Variants in ABCA13 observed in about 807,000 individuals in gnomAD.
The protein encoded by ABCA13 is ATP binding cassette subfamily A member 13.
Under a neutral mutation model 478.7 loss-of-function variants are expected in ABCA13, and 476 were observed. The observed-to-expected ratio is 0.99, with a 90% CI of 0.92 to 1.07. ABCA13 has a LOEUF of 1.07. ABCA13 is among the 50% of genes least tolerant of loss of function. The pLI, the probability that ABCA13 is intolerant of heterozygous loss-of-function variation, is 0.00. For synonymous variants in ABCA13, 2,252 were observed against 2,158.9 expected, an observed-to-expected ratio of 1.04 and a Z score of -1.20; for missense variants, 6,060 against 5,910.6, an observed-to-expected ratio of 1.03 and a Z score of -0.83.
At chr7:48,172,863 GAC>G (rs1228567759) in intron 1 of ABCA13, among the ~76,000 whole-genome samples, 1 of 142,846 alleles carries the variant, frequency 7.0e-6, no homozygotes, top group East Asian at 2.1e-4. Flanking sequence ...AAAGGAGTGA[GAC>G]AGTCTTCATT....
chr7:48,403,599 T>G, intron 38 of ABCA13, 84 bp from the exon 39 acceptor site: 1 of 1,366,296 alleles, frequency 7.3e-7, no homozygotes, highest in Non-Finnish European at 1.0e-6. Flanking sequence ...TTTCAGCCAC[T>G]GTTAGTCATT....
At chr7:48,224,945 C>A (rs965552487) in intron 5 of ABCA13, among the ~76,000 whole-genome samples, 1 of 152,094 alleles carries the variant, frequency 6.6e-6, no homozygotes, top group Non-Finnish European at 1.5e-5. Flanking sequence ...GGAACCTAAA[C>A]GGAGACAGGA....
rs768908802 is a variant in ABCA13, at chr7:48,272,306, T to C, written c.2640T>C (p.Asp880=). 9.9e-6 allele frequency: 16 copies of C among 1,613,646 alleles called. No individual in the cohort carries two copies. Among genetic ancestry groups the C allele is most frequent in the Middle Eastern group, 1.6e-4 (1 of 6,084 alleles). Residue 880 remains aspartate, a synonymous_variant, in exon 17 of 62, where the codon GAT becomes GAC. Transcript: ENST00000435803. The part of the protein sequence containing the change: ...SFNFSQLFHS[D]WPKSPAMNID... ...ACTTTTCCCAGTTGTTCCATTCAGA[T>C]TGGCCTAAATCACCAGCTATGAACA...
At chr7:48,358,852 T>C (rs1302067564) in intron 31 of ABCA13, among the ~76,000 whole-genome samples, 6 of 151,812 alleles carry the variant, frequency 4.0e-5, no homozygotes, top group Non-Finnish European at 7.4e-5. Context: ...GACCTGAGAG[T>C]CTGAATTAAG....
intron 1 of ABCA13, among the ~76,000 whole-genome samples, chr7:48,175,560 A>G (rs1217132410): frequency 2.6e-5 from 4 of 152,118 alleles, no homozygotes; most frequent in Non-Finnish European, 5.9e-5. Context: ...AGCTGGGATT[A>G]CAGGCGAGTG....
rs908870761 is a variant in ABCA13, at chr7:48,541,686, A to G, written c.14354+13341A>G. Among the ~76,000 whole-genome samples the G allele has an allele frequency of 3.4e-5, 5 of 148,490 alleles. No individual in the cohort carries two copies. The Admixed American group carries it at 3.4e-4, about 10-fold the overall frequency. The stretch of plus-strand genomic sequence containing the variant: ...GTAGTCACAATCAATGAGACAGAAC[A>G]TAAAATATTTTAAAAGGGAGAAGAA... On this transcript the variant is annotated intron_variant, in intron 55 of 61. Transcript: ENST00000435803.
intron 3 of ABCA13, among the ~76,000 whole-genome samples, chr7:48,211,910 T>G (rs1309061868): frequency 6.6e-6 from 1 of 151,960 alleles, no homozygotes; most frequent in Non-Finnish European, 1.5e-5. Flanking sequence ...GCTCACTGCC[T>G]GGAGTTGGTG....
chr7:48,374,215 C>A, intron 33 of ABCA13, 132 bp from the exon 34 acceptor site: 1 of 732,388 alleles, frequency 1.4e-6, no homozygotes, highest in Non-Finnish European at 2.2e-6. Flanking sequence ...AAATGACTGC[C>A]TGAAGCGATG....
rs550999069 is a variant in ABCA13, at chr7:48,255,039, A to T, written c.2005+5688A>T. Among the ~76,000 whole-genome samples, 13 of 152,276 alleles carry T rather than the reference A, an allele frequency of 8.5e-5. No individual in the cohort carries two copies. In the East Asian group the frequency reaches 2.5e-3, roughly 29 times the overall value. ...TCAGTAGCTCTCTGATGCCTTAAAA[A>T]TCATTAAAAATATTGTTCTCACTTT... On this transcript the variant is annotated intron_variant, in intron 15 of 61. Coordinates refer to ENST00000435803, the MANE Select transcript of ABCA13 (RefSeq NM_152701.5).
At chr7:48,414,293 G>GC (rs1819661771) in intron 41 of ABCA13, among the ~76,000 whole-genome samples, 1 of 152,048 alleles carries the variant, frequency 6.6e-6, no homozygotes, top group South Asian at 2.1e-4. Flanking sequence ...GCACTCTGAA[G>GC]CTTTTCTTCG....
Position 48,412,368 on chromosome 7 carries a change from G to A in ABCA13, c.12244G>A (p.Ala4082Thr), listed in dbSNP as rs373692862. 73 of 1,612,144 alleles carry A rather than the reference G, an allele frequency of 4.5e-5. No homozygotes were observed. In the African/African-American group the frequency reaches 9.0e-4, roughly 20 times the overall value. ...TLTRQPSVLE[A>T]HDLKDMACVT... ...TTATGGATAGCCTTCTGTTCTGGAG[G>A]CCCATGATCTGAAAGACATGGCTTG... Residue 4082 changes from alanine to threonine, a missense_variant, in exon 41 of 62, where the codon GCC (alanine) becomes ACC (threonine). By Grantham distance (58) the Ala-to-Thr change is moderately conservative. Transcript: ENST00000435803.
chr7:48,502,548 G>A (rs1830849871), intron 48 of ABCA13, among the ~76,000 whole-genome samples: 1 of 152,174 alleles, frequency 6.6e-6, no homozygotes, highest in Non-Finnish European at 1.5e-5. Flanking sequence ...TCAACTTCCA[G>A]CCCTGTATCC....
In ABCA13 at chr7:48,440,391, T is replaced by G. The variant is rs529128706; in HGVS notation, c.12565+12520T>G. 9.2e-5 allele frequency among the ~76,000 whole-genome samples: 14 copies of G among 152,294 alleles called. No individual in the cohort carries two copies. The South Asian group carries it at 2.9e-3, about 32-fold the overall frequency. ...AGAAGTCTGTGTTTTTTTCTAAGTA[T>G]TATTTTGTCTCTGAAATTCATCTAT... On this transcript the variant is annotated intron_variant, in intron 42 of 61. Coordinates refer to ENST00000435803, the MANE Select transcript of ABCA13 (RefSeq NM_152701.5).
chr7:48,322,598 A>C (rs558771435), intron 27 of ABCA13, among the ~76,000 whole-genome samples: 6 of 152,270 alleles, frequency 3.9e-5, no homozygotes, highest in African/African-American at 1.2e-4. Flanking sequence ...TCCTACCTCC[A>C]GTTCCAGCTG....
chr7:48,608,745 C>G (rs1258254678), intron 58 of ABCA13, among the ~76,000 whole-genome samples: 1 of 152,218 alleles, frequency 6.6e-6, no homozygotes, highest in Non-Finnish European at 1.5e-5. Flanking sequence ...GGCTGGAATG[C>G]CACTGATTAT....
intron 2 of ABCA13, among the ~76,000 whole-genome samples, chr7:48,194,802 T>C (rs1442935057): frequency 6.6e-6 from 1 of 151,784 alleles, no homozygotes; most frequent in Admixed American, 6.6e-5. Context: ...GTAAAACCCA[T>C]GTGAGTAAAA....
chr7:48,495,430 T>C (rs1830189531), intron 48 of ABCA13, among the ~76,000 whole-genome samples: 1 of 152,184 alleles, frequency 6.6e-6, no homozygotes, highest in South Asian at 2.1e-4. Context: ...TTATTTTAAA[T>C]TGGTTGAAGT....
intron 59 of ABCA13, among the ~76,000 whole-genome samples, chr7:48,621,574 A>G (rs1793137749): frequency 6.6e-6 from 1 of 152,154 alleles, no homozygotes; most frequent in Non-Finnish European, 1.5e-5. Flanking sequence ...TTCTACATTC[A>G]TTATTTACTA....
At chr7:48,557,244 G>A (rs1045332261) in intron 55 of ABCA13, among the ~76,000 whole-genome samples, 4 of 152,006 alleles carry the variant, frequency 2.6e-5, no homozygotes, top group African/African-American at 7.2e-5. Flanking sequence ...CACAATTACA[G>A]TATTATAATA....
Sources: allele counts gnomAD v4.1 joint callset (sites outside exome capture counted in the v4.1 genomes callset), GRCh38; gene constraint gnomAD v4.1.1; transcripts MANE v1.5; gene names NCBI Gene and HGNC (gene_info 2026-07-23, HGNC 2026-07-21).